SH3BP5: variants seen among roughly 807,000 people sequenced by gnomAD.
SH3BP5 encodes SH3 domain binding protein 5, also known as SH3 domain-binding protein 5.
Under a neutral mutation model 43.3 loss-of-function variants are expected in SH3BP5, and 22 were observed. The observed-to-expected ratio is 0.51, with a 90% CI of 0.36 to 0.73. The LOEUF (loss-of-function observed/expected upper bound fraction) is 0.73. Among genes scored for constraint, SH3BP5 ranks in the 30% least tolerant of loss-of-function variants. The pLI, the probability that SH3BP5 is intolerant of heterozygous loss-of-function variation, is 0.00. For missense variants in SH3BP5, 529 were observed against 586.9 expected (o/e 0.90, Z 1.02); for synonymous variants, 255 against 225.8 (o/e 1.13, Z -1.16).
At chr3:15,332,940 G>C, upstream of SH3BP5, 1 of 414,798 alleles carries the variant, frequency 2.4e-6, no homozygotes, top group Non-Finnish European at 3.2e-6. Context: ...TCAGGACCAA[G>C]ACTTGCCGAA....
chr3:15,261,700 G>GA (rs11327793), intron 5 of SH3BP5, among the ~76,000 whole-genome samples: 4,084 of 142,414 alleles, frequency 0.029, 67 homozygotes, highest in South Asian at 0.043. Context: ...AGAGATTGGA[G>GA]AAAAAAAAAA....
At position 15,290,265 on chromosome 3, in the gene SH3BP5, A is replaced by G. The variant is rs767002587; in HGVS notation, c.330+13838T>C. On this transcript the variant is annotated intron_variant, in intron 3 of 8. Transcript: ENST00000383791. ...AAAATTAGGCTGGGCGCGGTGGCTC[A>G]CGTCTGTAATCCCAGCACTTTGAGA... 2.2e-4 allele frequency among the ~76,000 whole-genome samples: 34 copies of G among 152,148 alleles called. 1 individual carries two copies. The highest frequency in any genetic ancestry group is 3.4e-3 in the Middle Eastern group (1 of 294).
chr3:15,302,928 C>T (rs962447566), intron 3 of SH3BP5, among the ~76,000 whole-genome samples: 2 of 152,118 alleles, frequency 1.3e-5, no homozygotes, highest in African/African-American at 4.8e-5. Flanking sequence ...CATGCCTCTG[C>T]CTCCCTAGTG....
intron 3 of SH3BP5, among the ~76,000 whole-genome samples, chr3:15,277,062 T>C (rs1054396872): frequency 7.2e-5 from 11 of 152,182 alleles, no homozygotes; most frequent in Non-Finnish European, 1.5e-4. Context: ...ATGATTCTCC[T>C]GCCTCAGCCT....
chr3:15,305,400 T>A (rs1303822002), intron 2 of SH3BP5, among the ~76,000 whole-genome samples: 1 of 152,206 alleles, frequency 6.6e-6, no homozygotes, highest in African/African-American at 2.4e-5. Flanking sequence ...ATGCCAGACC[T>A]GGTGCTGGGC....
intron 3 of SH3BP5, among the ~76,000 whole-genome samples, chr3:15,274,127 T>G (rs745467443): frequency 6.6e-6 from 1 of 151,788 alleles, no homozygotes; most frequent in Non-Finnish European, 1.5e-5. Flanking sequence ...AAGTCTATAG[T>G]CCCAGCTACT....
At chr3:15,309,279 T>C (rs573841573) in intron 2 of SH3BP5, among the ~76,000 whole-genome samples, 8 of 152,286 alleles carry the variant, frequency 5.3e-5, no homozygotes, top group African/African-American at 1.9e-4. Context: ...TGGGATAGTA[T>C]AGGGCTTTTT....
intron 5 of SH3BP5, among the ~76,000 whole-genome samples, chr3:15,261,257 C>T (rs1696426441): frequency 6.6e-6 from 1 of 152,244 alleles, no homozygotes; most frequent in African/African-American, 2.4e-5. Context: ...TGTTCCTCTG[C>T]ATGTATGTGT....
intron 2 of SH3BP5, among the ~76,000 whole-genome samples, chr3:15,304,469 T>C (rs1697842638): frequency 6.6e-6 from 1 of 152,250 alleles, no homozygotes; most frequent in Non-Finnish European, 1.5e-5. Context: ...GTGTGGCTAC[T>C]GAGCACTTAA....
chr3:15,326,999 C>T (rs987993884), intron 2 of SH3BP5, among the ~76,000 whole-genome samples: 1 of 152,134 alleles, frequency 6.6e-6, no homozygotes, highest in African/African-American at 2.4e-5. Flanking sequence ...GCTCCAAGCC[C>T]TGCATTTTCC....
chr3:15,257,201 G>A lies in SH3BP5; in HGVS notation c.890-88C>T, dbSNP rs188583691. 330 of 1,366,416 alleles carry A rather than the reference G, an allele frequency of 2.4e-4. 3 individuals are homozygous for A. In the Admixed American group the frequency reaches 6.2e-3, roughly 25 times the overall value. The allele number at this position is 1,366,416 out of a possible 1,614,324, so 84.6% of individuals were successfully genotyped here. ...TGCTGCTGGCAGGCAGCTAGACACA[G>A]CATGGGGGACTAAAGAGTCTCTACC... is the stretch of plus-strand genomic sequence containing the variant. On this transcript the variant is annotated intron_variant, in intron 7 of 8. Transcript: ENST00000383791.
At chr3:15,261,175 CT>C (rs1349895574) in intron 5 of SH3BP5, among the ~76,000 whole-genome samples, 1 of 152,230 alleles carries the variant, frequency 6.6e-6, no homozygotes, top group African/African-American at 2.4e-5. Flanking sequence ...AGATCAGCCC[CT>C]GACACACCAA....
At chr3:15,275,283 G>C (rs182014552) in intron 3 of SH3BP5, among the ~76,000 whole-genome samples, 31 of 152,338 alleles carry the variant, frequency 2.0e-4, no homozygotes, top group African/African-American at 7.2e-4. Context: ...GTTTAACTGC[G>C]ACATTGCTTC....
At chr3:15,333,174 C>G, upstream of SH3BP5, 1 of 985,360 alleles carries the variant, frequency 1.0e-6, no homozygotes, top group Non-Finnish European at 1.2e-6. Flanking sequence ...ACACTCTGGC[C>G]AAGAATTTAT....
At chr3:15,328,160 G>A (rs1312825143) in intron 2 of SH3BP5, among the ~76,000 whole-genome samples, 1 of 152,040 alleles carries the variant, frequency 6.6e-6, no homozygotes, top group Non-Finnish European at 1.5e-5. Context: ...ACACCCTCCA[G>A]TTCGCCTCTC....
At position 15,266,497 on chromosome 3, in the gene SH3BP5, C is replaced by G. The variant is rs143765050; in HGVS notation, c.495+3216G>C. Reference sequence around the variant, plus strand: ...ATCAGAAAAGCCAATTTCTCCCTCCCAGGATGCCAGCCCTCCTCTCTCAGA... The same window carrying G: ...ATCAGAAAAGCCAATTTCTCCCTCCGAGGATGCCAGCCCTCCTCTCTCAGA... On this transcript the variant is annotated intron_variant, in intron 4 of 8. Coordinates refer to ENST00000383791, the MANE Select transcript of SH3BP5 (RefSeq NM_004844.5). Among the ~76,000 whole-genome samples the G allele has an allele frequency of 4.4e-3, 671 of 152,346 alleles. 9 individuals are homozygous for G. The Middle Eastern group carries it at 0.044, about 10-fold the overall frequency.
chr3:15,337,355 G>A (rs1454018045), upstream of SH3BP5, among the ~76,000 whole-genome samples: 3 of 152,080 alleles, frequency 2.0e-5, no homozygotes, highest in Non-Finnish European at 4.4e-5. Flanking sequence ...GATTACAGGC[G>A]AGAGCCACCG....
Position 15,255,975 on chromosome 3 carries a change from A to T in SH3BP5, c.*111T>A, listed in dbSNP as rs535648814. The T allele has an allele frequency of 1.0e-5, 9 of 885,200 alleles. No homozygotes were observed. The Middle Eastern group carries it at 7.7e-4, about 76-fold the overall frequency. The allele number at this position is 885,200 out of a possible 1,614,324, so 54.8% of individuals were successfully genotyped here. On this transcript the variant is annotated 3_prime_UTR_variant, in exon 9 of 9. Coordinates refer to ENST00000383791, the MANE Select transcript of SH3BP5 (RefSeq NM_004844.5). ...AAGGTCACTGAAACTTCATTAGAGC[A>T]GTTTAGAGTAGACGTGTAAGATTTG...
At chr3:15,296,033 A>G (rs1213919544) in intron 3 of SH3BP5, among the ~76,000 whole-genome samples, 1 of 152,210 alleles carries the variant, frequency 6.6e-6, no homozygotes, top group Admixed American at 6.5e-5. Flanking sequence ...CAGCTGACAA[A>G]AATGTTGTGA....
Sources: gnomAD v4.1 joint callset for allele counts (sites outside exome capture counted in the v4.1 genomes callset) on GRCh38, gnomAD v4.1.1 for gene constraint, MANE v1.5 for transcripts, NCBI Gene and HGNC (gene_info 2026-07-23, HGNC 2026-07-21) for gene names.